Variants in CRYZ observed in about 807,000 individuals in gnomAD.
CRYZ encodes the protein zeta-crystallin.
Under a neutral mutation model 34.1 loss-of-function variants are expected in CRYZ, and 35 were observed. That is an observed-to-expected ratio of 1.03 (90% confidence interval 0.78 to 1.36). CRYZ has a LOEUF of 1.36. CRYZ is among the 40% of genes most tolerant of loss of function. The probability of loss-of-function intolerance (pLI) is 0.00; values close to 1 mark genes in which losing one functional copy is unlikely to be tolerated. For missense variants in CRYZ, 403 were observed against 391.8 expected, an observed-to-expected ratio of 1.03 and a Z score of -0.24; for synonymous variants, 137 against 136.5, an observed-to-expected ratio of 1.00 and a Z score of -0.03.
chr1:74,719,343 C>T lies in CRYZ; in HGVS notation c.294G>A (p.Thr98=), dbSNP rs540399244. 9.9e-6 allele frequency: 16 copies of T among 1,612,032 alleles called. No individual in the cohort carries two copies. The highest frequency in any genetic ancestry group is 1.7e-4 in the Middle Eastern group (1 of 6,046). The change falls in exon 4 of 9, where the codon ACG becomes ACA. Residue 98 remains threonine (T), a synonymous_variant. Transcript: ENST00000340866. ...KKGDRVFTSS[T]ISGGYAEYAL... ...CATACTCTGCATAACCCCCAGAGAT[C>T]GTGCTGCTAGTGAAAACTCTGTCAC... is the stretch of plus-strand genomic sequence containing the variant.
intron 6 of CRYZ, chr1:74,708,319 T>C (rs572214240): frequency 1.6e-4 from 25 of 152,298 alleles, no homozygotes; most frequent in Admixed American, 1.2e-3. Context: ...TTTTGTTTTG[T>C]TTTTTTATTA....
chr1:74,707,251 T>C (rs780506048), intron 6 of CRYZ, 47 bp from the exon 7 acceptor site: 25 of 991,750 alleles, frequency 2.5e-5, no homozygotes, highest in Non-Finnish European at 3.7e-5. Flanking sequence ...AGTGAAAAAC[T>C]GTAAAATAGC....
intron 5 of CRYZ, among the ~76,000 whole-genome samples, chr1:74,710,505 A>G (rs1051237384): frequency 6.6e-6 from 1 of 152,234 alleles, no homozygotes; most frequent in Non-Finnish European, 1.5e-5. Flanking sequence ...TATTGTCCCT[A>G]TTGTACAGAT....
Position 74,724,815 on chromosome 1 carries a change from T to C in CRYZ, c.7A>G (p.Thr3Ala), listed in dbSNP as rs1261520745. Residue 3 changes from threonine (T) to alanine (A), a missense_variant, in exon 2 of 9, where the codon ACT becomes GCT. Physicochemically the swap from Thr to Ala is moderately conservative, Grantham distance 58. Transcript: ENST00000340866. MA[T>A]GQKLMRAVRV... is the part of the protein sequence containing the mutation. ...ACAGCTCTCATCAACTTCTGTCCAG[T>C]CGCCATGGTGATCTAGATACTAAGG... 2.5e-6 allele frequency: 4 copies of C among 1,604,672 alleles called. 1 individual carries two copies. The South Asian group carries it at 4.4e-5, about 18-fold the overall frequency.
intron 8 of CRYZ, 57 bp downstream of exon 8, chr1:74,706,842 G>A (rs1646935250): frequency 2.1e-6 from 3 of 1,405,212 alleles, no homozygotes; most frequent in Non-Finnish European, 3.0e-6. Flanking sequence ...GCTTGCCTGA[G>A]TAGGCAAACT....
intron 1 of CRYZ, among the ~76,000 whole-genome samples, chr1:74,728,237 C>T (rs2100734572): frequency 6.6e-6 from 1 of 152,100 alleles, no homozygotes; most frequent in East Asian, 1.9e-4. Context: ...AACAGTGCAC[C>T]ATATGCAATC....
chr1:74,719,126 G>A (rs1321439315), intron 4 of CRYZ, 83 bp downstream of exon 4: 5 of 1,378,818 alleles, frequency 3.6e-6, no homozygotes, highest in Admixed American at 1.8e-5. Flanking sequence ...ATGAACAGAT[G>A]GATGGACAGA....
intron 5 of CRYZ, 76 bp from the exon 6 acceptor site, chr1:74,710,323 A>T (rs1167455259): frequency 1.2e-5 from 17 of 1,429,686 alleles, no homozygotes; most frequent in Non-Finnish European, 8.5e-6. Flanking sequence ...CAATGAACTT[A>T]AGATTCCTAT....
intron 1 of CRYZ, among the ~76,000 whole-genome samples, chr1:74,725,897 C>A (rs948009220): frequency 6.6e-6 from 1 of 152,182 alleles, no homozygotes; most frequent in Non-Finnish European, 1.5e-5. Context: ...CAAAATCCAG[C>A]GAGACAGTCA....
Position 74,724,716 on chromosome 1 carries a change from G to A in CRYZ, c.106C>T (p.His36Tyr). The change falls in exon 2 of 9, where the codon CAT becomes TAT. Residue 36 changes from histidine to tyrosine, a missense_variant. By Grantham distance (83) the His-to-Tyr change is moderately conservative. Coordinates refer to ENST00000340866, the MANE Select transcript of CRYZ (RefSeq NM_001889.4). ...TAAAGTAATTTTATTTCTACCTGAT[G>A]GTCTTTTGGAATCGGTACTGCAATA... ...SDIAVPIPKD[H>Y]QVLIKVHACG... is the part of the protein sequence containing the mutation. 1.9e-6 allele frequency: 3 copies of A among 1,595,348 alleles called. No individual in the cohort carries two copies. Among genetic ancestry groups the A allele is most frequent in the South Asian group, 1.1e-5 (1 of 89,510 alleles).
chr1:74,729,117 G>A (rs563798041), intron 1 of CRYZ, among the ~76,000 whole-genome samples: 2 of 135,708 alleles, frequency 1.5e-5, no homozygotes, highest in East Asian at 4.5e-4. Context: ...TAAGAACATA[G>A]AGGTTGTTTT....
chr1:74,731,627 A>G (rs1647745968), intron 1 of CRYZ, among the ~76,000 whole-genome samples: 1 of 152,208 alleles, frequency 6.6e-6, no homozygotes, highest in Non-Finnish European at 1.5e-5. Context: ...GGACTCCTCC[A>G]GGTTCCATGA....
At chr1:74,707,551 A>C (rs947535997) in intron 6 of CRYZ, 1 of 159,818 alleles carries the variant, frequency 6.3e-6, no homozygotes, top group African/African-American at 2.4e-5. Context: ...ATAAATCAAA[A>C]GCCCCAAACC....
chr1:74,707,280 T>TG, intron 6 of CRYZ, 76 bp from the exon 7 acceptor site: 1 of 789,878 alleles, frequency 1.3e-6, no homozygotes. Context: ...GTACAAGATA[T>TG]TATAGAAATA....
intron 5 of CRYZ, among the ~76,000 whole-genome samples, chr1:74,710,563 C>T (rs187592770): frequency 2.4e-4 from 36 of 152,188 alleles, no homozygotes; most frequent in African/African-American, 7.0e-4. Flanking sequence ...AAGTCATATG[C>T]GGAGATGGAA....
At position 74,717,550 on chromosome 1, in the gene CRYZ, C is replaced by T. The variant is rs139246157; in HGVS notation, c.428+1659G>A. On this transcript the variant is annotated intron_variant, in intron 4 of 8. Coordinates refer to ENST00000340866, the MANE Select transcript of CRYZ (RefSeq NM_001889.4). ...GCTGCCAGCAGTGATTGCGCACTTACCCTGTGCCAGCCCCGTACTAAGAAC... is the reference window on the plus strand; with the variant it reads ...GCTGCCAGCAGTGATTGCGCACTTATCCTGTGCCAGCCCCGTACTAAGAAC... 1.9e-3 allele frequency among the ~76,000 whole-genome samples: 297 copies of T among 152,322 alleles called. 2 individuals carry two copies. Among genetic ancestry groups the T allele is most frequent in the African/African-American group, 6.8e-3 (284 of 41,582 alleles).
At chr1:74,721,506 T>C (rs956321130) in intron 3 of CRYZ, among the ~76,000 whole-genome samples, 8 of 152,100 alleles carry the variant, frequency 5.3e-5, no homozygotes, top group African/African-American at 1.7e-4. Flanking sequence ...TGTAAAACAA[T>C]CAGAATTAAA....
chr1:74,708,758 T>A (rs1282623190), intron 6 of CRYZ: 1 of 152,086 alleles, frequency 6.6e-6, no homozygotes, highest in Admixed American at 6.6e-5. Context: ...ATCAACAGTA[T>A]ATGGGTAGTA....
intron 4 of CRYZ, among the ~76,000 whole-genome samples, chr1:74,716,893 GCTTC>G (rs1647084296): frequency 6.6e-6 from 1 of 152,018 alleles, no homozygotes; most frequent in African/African-American, 2.4e-5. Flanking sequence ...TTCAAATCTA[GCTTC>G]CTTGATACTC....
Sources: gnomAD v4.1 joint callset for allele counts (sites outside exome capture counted in the v4.1 genomes callset) on GRCh38, gnomAD v4.1.1 for gene constraint, MANE v1.5 for transcripts, NCBI Gene and HGNC (gene_info 2026-07-23, HGNC 2026-07-21) for gene names.